The following ATP11C variants were observed in gnomAD, a reference collection of about 807,000 sequenced individuals.
ATP11C encodes the protein phospholipid-transporting ATPase IG.
ATP11C carries 36 observed loss-of-function variants against 97.4 expected under a neutral mutation model. The observed-to-expected ratio is 0.37, with a 90% CI of 0.28 to 0.49. ATP11C has a LOEUF of 0.49. Among genes scored for constraint, ATP11C ranks in the 20% least tolerant of loss-of-function variants. The pLI is 0.98. For missense variants in ATP11C, 730 were observed against 824.6 expected (o/e 0.89, Z 1.40); for synonymous variants, 275 against 290.9 (o/e 0.95, Z 0.56).
At chrX:139,904,102 T>G (rs747722507) in intron 1 of ATP11C, among the ~76,000 whole-genome samples, 12 of 112,228 alleles carry the variant, frequency 1.1e-4, no homozygotes, top group Non-Finnish European at 2.3e-4. Flanking sequence ...TAAACAAAAT[T>G]CAAAACTAAA....
chrX:139,738,800 T>C (rs2081496748), intron 27 of ATP11C, among the ~76,000 whole-genome samples: 1 of 109,764 alleles, frequency 9.1e-6, no homozygotes, highest in African/African-American at 3.3e-5. Flanking sequence ...AGAGCCTCAG[T>C]AGGTGAAGCT....
At chrX:139,852,725 A>G (rs1349687190) in intron 1 of ATP11C, among the ~76,000 whole-genome samples, 2 of 110,074 alleles carry the variant, frequency 1.8e-5, no homozygotes, top group Non-Finnish European at 3.8e-5. Context: ...TAGCTACCTC[A>G]TATGGCTTAG....
intron 1 of ATP11C, among the ~76,000 whole-genome samples, chrX:139,931,367 C>T (rs994817909): frequency 3.6e-5 from 4 of 112,401 alleles, no homozygotes; most frequent in African/African-American, 6.5e-5. Context: ...CAGAGATCGG[C>T]AGCACGGGCA....
At chrX:139,911,991 C>T (rs1254276620) in intron 1 of ATP11C, among the ~76,000 whole-genome samples, 1 of 108,444 alleles carries the variant, frequency 9.2e-6, no homozygotes, top group Non-Finnish European at 1.9e-5. Flanking sequence ...CCAGCCTGGC[C>T]ATGGCAAGAC....
intron 5 of ATP11C, among the ~76,000 whole-genome samples, chrX:139,813,381 C>T (rs771902222): frequency 4.5e-5 from 5 of 111,695 alleles, no homozygotes; most frequent in Admixed American, 9.5e-5. Flanking sequence ...TCTTACAAAA[C>T]GAAACATACT....
At chrX:139,889,573 TA>T (rs1464006533) in intron 1 of ATP11C, among the ~76,000 whole-genome samples, 2 of 112,174 alleles carry the variant, frequency 1.8e-5, no homozygotes, top group African/African-American at 6.5e-5. Flanking sequence ...GTATGTAAAT[TA>T]TACCTCAATA....
chrX:139,837,663 T>C (rs1245850990), intron 1 of ATP11C, among the ~76,000 whole-genome samples: 2 of 112,334 alleles, frequency 1.8e-5, no homozygotes, highest in South Asian at 3.7e-4. Flanking sequence ...CAATGAAATA[T>C]AGGCAGTCCT....
chrX:139,933,144 C>CG (rs2085472779), upstream of ATP11C: 1 of 110,652 alleles, frequency 9.0e-6, no homozygotes, highest in Non-Finnish European at 1.9e-5. Flanking sequence ...TCCTTGCTCC[C>CG]GGGGCAGCCT....
chrX:139,855,370 T>C (rs1259625435), intron 1 of ATP11C, among the ~76,000 whole-genome samples: 1 of 111,651 alleles, frequency 9.0e-6, no homozygotes, highest in East Asian at 2.8e-4. Flanking sequence ...ACCTAGAATT[T>C]CCGGTAAACC....
intron 1 of ATP11C, among the ~76,000 whole-genome samples, chrX:139,886,900 T>G (rs1441228607): frequency 2.8e-5 from 3 of 108,574 alleles, no homozygotes; most frequent in African/African-American, 6.6e-5. Context: ...ACCTAAACAA[T>G]TTTGTAAAAA....
At chrX:139,768,470 T>C (rs371982842) in intron 19 of ATP11C, 36 bp from the exon 20 acceptor site, 2 of 995,333 alleles carry the variant, frequency 2.0e-6, no homozygotes, top group African/African-American at 3.9e-5. Flanking sequence ...TTGGATTTAT[T>C]ACAGATTTCT....
At chrX:139,899,134 A>G (rs2084855268) in intron 1 of ATP11C, among the ~76,000 whole-genome samples, 1 of 111,550 alleles carries the variant, frequency 9.0e-6, no homozygotes, top group Admixed American at 9.6e-5. Context: ...AAAATGAAGG[A>G]AAGTCTGAGA....
In ATP11C at chrX:139,785,255, C is replaced by G; in HGVS notation, c.1637G>C (p.Arg546Pro). ...TTGAGTCTTCACAATTACACTCATA[C>G]GTCGCCGGACAGCATCAAAGTTTAA... ...HTLNFDAVRR[R>P]MSVIVKTQEG... Residue 546 changes from arginine (R) to proline (P), a missense_variant, in exon 16 of 30, where the codon CGT (arginine) becomes CCT (proline). Coordinates refer to ENST00000682941, the MANE Select transcript of ATP11C (RefSeq NM_001353812.2). 1 of 1,208,064 alleles carries G rather than the reference C, an allele frequency of 8.3e-7. No homozygotes were observed. The highest frequency in any genetic ancestry group is 1.1e-6 in the Non-Finnish European group (1 of 893,565).
At chrX:139,791,651 G>A (rs1440777302) in intron 12 of ATP11C, among the ~76,000 whole-genome samples, 1 of 111,105 alleles carries the variant, frequency 9.0e-6, no homozygotes, top group African/African-American at 3.3e-5. Context: ...TGATGCTGCT[G>A]GTCCTAGGAT....
intron 1 of ATP11C, among the ~76,000 whole-genome samples, chrX:139,916,649 CT>C (rs1384059368): frequency 2.7e-5 from 3 of 111,105 alleles, no homozygotes; most frequent in Non-Finnish European, 5.7e-5. Flanking sequence ...AGACAACTGA[CT>C]ACAGGAGAGA....
At chrX:139,909,245 C>A (rs889132123) in intron 1 of ATP11C, among the ~76,000 whole-genome samples, 3 of 111,208 alleles carry the variant, frequency 2.7e-5, no homozygotes, top group Non-Finnish European at 5.7e-5. Context: ...AATTCTCCTA[C>A]CTCAGCCTCC....
chrX:139,934,079 C>A (rs183751240), upstream of ATP11C, among the ~76,000 whole-genome samples: 451 of 111,710 alleles, frequency 4.0e-3, 5 homozygotes, highest in African/African-American at 0.014. Context: ...CCTGACTGAG[C>A]CCAAGGGGAC....
intron 1 of ATP11C, among the ~76,000 whole-genome samples, chrX:139,855,135 A>G (rs1475240689): frequency 8.9e-6 from 1 of 111,808 alleles, no homozygotes; most frequent in Non-Finnish European, 1.9e-5. Context: ...ATAATACAGG[A>G]AGCATTGTCA....
At chrX:139,866,782 A>G (rs754567055) in intron 1 of ATP11C, among the ~76,000 whole-genome samples, 1 of 110,765 alleles carries the variant, frequency 9.0e-6, no homozygotes, top group African/African-American at 3.3e-5. Flanking sequence ...TCCAAACACT[A>G]CACTCTTAAC....
Sources: allele counts gnomAD v4.1 joint callset (sites outside exome capture counted in the v4.1 genomes callset), GRCh38; gene constraint gnomAD v4.1.1; transcripts MANE v1.5; gene names NCBI Gene and HGNC (gene_info 2026-07-23, HGNC 2026-07-21).